Variants in NBPF12 observed in about 807,000 individuals in gnomAD.
NBPF12 encodes NBPF member 12, also known as NBPF family member NBPF12.
Under a neutral mutation model 146.4 loss-of-function variants are expected in NBPF12, and 115 were observed. The observed-to-expected ratio is 0.79, with a 90% CI of 0.68 to 0.92. NBPF12 has a LOEUF of 0.92. Ranked by LOEUF, NBPF12 falls within the 40% of genes least tolerant of loss-of-function variation. The pLI is 0.00. For synonymous variants in NBPF12, 385 were observed against 508.9 expected (o/e 0.76, Z 3.28); for missense variants, 1,205 against 1,326.8 (o/e 0.91, Z 1.43).
At chr1:146,964,289 A>G in intron 6 of NBPF12, 68 bp from the exon 10 acceptor site, 1 of 1,590,604 alleles carries the variant, frequency 6.3e-7, no homozygotes, top group Non-Finnish European at 8.6e-7. Context: ...GTCTCTGTGC[A>G]CGTTGGGCTG....
chr1:146,973,537 C>A (rs1656793629), intron 14 of NBPF12, among the ~76,000 whole-genome samples: 1 of 149,614 alleles, frequency 6.7e-6, no homozygotes, highest in East Asian at 2.0e-4. Context: ...CTCCTGTAAT[C>A]CCAGCCCTTT....
Position 146,968,607 on chromosome 1 carries a change from A to T in NBPF12, c.1091+57A>T. 8 of 1,515,352 alleles carry T rather than the reference A, an allele frequency of 5.3e-6. 1 individual carries two copies. In the South Asian group the frequency reaches 9.0e-5, roughly 17 times the overall value. 93.9% of individuals were successfully genotyped at this position (1,515,352 alleles called of 1,614,324 possible). The stretch of plus-strand genomic sequence containing the variant: ...GCAGGTGTGTAAATCTCTGAAGTAC[A>T]ACAGCTCGGTGGGGAGACTTAAGAG... On this transcript the variant is annotated intron_variant, in intron 10 of 33. Transcript: ENST00000617844.
chr1:146,966,857 T>C (rs1446906654), intron 9 of NBPF12, among the ~76,000 whole-genome samples, 184 bp downstream of exon 12: 2 of 149,670 alleles, frequency 1.3e-5, no homozygotes, highest in Non-Finnish European at 2.9e-5. Flanking sequence ...TTAGCAACTT[T>C]CCATGTTTGC....
chr1:146,994,339 A>T (rs782652561), exon 34 of NBPF12: 1 of 1,611,016 alleles, frequency 6.2e-7, no homozygotes. Flanking sequence ...CAGGCTCAAC[A>T]GCGTGCTGAT....
intron 1 of NBPF12, 26 bp from the exon 5 acceptor site, chr1:146,951,318 GTAAA>G (rs1655316372): frequency 1.5e-6 from 1 of 680,118 alleles, no homozygotes; most frequent in Non-Finnish European, 2.6e-6. Flanking sequence ...CTCTGGGGAG[GTAAA>G]TAAATTATTT....
At chr1:146,954,258 G>A (rs1438008504) in intron 2 of NBPF12, among the ~76,000 whole-genome samples, 3 of 143,276 alleles carry the variant, frequency 2.1e-5, no homozygotes, top group Non-Finnish European at 4.5e-5. Flanking sequence ...AGGCGTGGTG[G>A]CATGTGCCTG....
chr1:146,995,835 G>C (rs1658507230), exon 34 of NBPF12: 2 of 150,128 alleles, frequency 1.3e-5, no homozygotes, highest in African/African-American at 5.0e-5. Flanking sequence ...AAGTACTTGG[G>C]AAAGCGGTTT....
chr1:146,966,197 T>C (rs1252337447), intron 8 of NBPF12, among the ~76,000 whole-genome samples: 2 of 151,944 alleles, frequency 1.3e-5, no homozygotes, highest in East Asian at 1.9e-4. Context: ...ACTCATGGGA[T>C]AAAAATCTCA....
At chr1:146,976,631 G>A (rs1319510891) in intron 16 of NBPF12, among the ~76,000 whole-genome samples, 1 of 151,034 alleles carries the variant, frequency 6.6e-6, no homozygotes, top group African/African-American at 2.5e-5. Context: ...GATCTGGCAG[G>A]ATGGGGGAGA....
intron 2 of NBPF12, among the ~76,000 whole-genome samples, chr1:146,955,984 C>CTT (rs1224364752): frequency 1.5e-4 from 22 of 147,090 alleles, no homozygotes; most frequent in African/African-American, 4.7e-4. Flanking sequence ...GCACTGGCTT[C>CTT]TTTTTTTTTT....
At chr1:146,965,476 C>A (rs1182621058) in intron 8 of NBPF12, among the ~76,000 whole-genome samples, 1 of 151,012 alleles carries the variant, frequency 6.6e-6, no homozygotes, top group Non-Finnish European at 1.5e-5. Flanking sequence ...TTTTCATTGG[C>A]TTGTCTTAGC....
intron 10 of NBPF12, 149 bp from the exon 14 acceptor site, chr1:146,969,233 C>T: frequency 9.4e-7 from 1 of 1,069,034 alleles, no homozygotes; most frequent in African/African-American, 1.6e-5. Context: ...TCTCTTCTTT[C>T]TCTTGGCCAC....
At chr1:146,940,768 C>G (rs1654762826) in intron 1 of NBPF12, among the ~76,000 whole-genome samples, 1 of 151,962 alleles carries the variant, frequency 6.6e-6, no homozygotes, top group South Asian at 2.1e-4. Context: ...TACCCCACAT[C>G]CTTGCTGATG....
At chr1:146,967,097 C>G (rs1158815805) in intron 9 of NBPF12, among the ~76,000 whole-genome samples, 1 of 151,038 alleles carries the variant, frequency 6.6e-6, no homozygotes, top group Non-Finnish European at 1.5e-5. Flanking sequence ...AAGCTCTGTT[C>G]TAGTGACTCT....
chr1:146,944,650 T>A (rs1405536048), upstream of NBPF12, among the ~76,000 whole-genome samples: 61 of 151,804 alleles, frequency 4.0e-4, no homozygotes, highest in South Asian at 8.3e-4. Flanking sequence ...GAAGAAGGGG[T>A]TGTACCCCAT....
chr1:146,964,434 C>T lies in NBPF12; in HGVS notation c.566+5C>T. The T allele has an allele frequency of 6.3e-7, 1 of 1,599,814 alleles. No individual in the cohort carries two copies. The highest frequency in any genetic ancestry group is 8.6e-7 in the Non-Finnish European group (1 of 1,168,512). On this transcript the variant is annotated splice_donor_5th_base_variant and intron_variant, in intron 7 of 33. Transcript: ENST00000617844. ...ACTGGAATCATCTGCCCCCAGGTAA[C>T]ACTGAATACTCAGGAGCAAGTAATG...
intron 1 of NBPF12, among the ~76,000 whole-genome samples, chr1:146,949,802 A>C (rs1363012718): frequency 6.6e-6 from 1 of 151,722 alleles, no homozygotes; most frequent in Non-Finnish European, 1.5e-5. Context: ...GAGACACTCT[A>C]CTCTGACTCC....
Position 146,941,087 on chromosome 1 carries a change from A to AT in NBPF12, c.-822+2113dup, listed in dbSNP as rs1489055418. On this transcript the variant is annotated intron_variant, in intron 1 of 35. Coordinates refer to the NBPF12 transcript ENST00000617931. The stretch of plus-strand genomic sequence containing the variant: ...TTTTTTCATGAATGGAGATTCTCTA[A>AT]TTTTTTTTCTTTTTGAGACAAGATC... Among the ~76,000 whole-genome samples the AT allele has an allele frequency of 4.0e-5, 6 of 151,196 alleles. No individual in the cohort carries two copies. In the East Asian group the frequency reaches 5.8e-4, roughly 15 times the overall value.
chr1:146,948,623 T>G (rs1328355320), upstream of NBPF12, among the ~76,000 whole-genome samples: 2 of 152,090 alleles, frequency 1.3e-5, no homozygotes, highest in Admixed American at 6.5e-5. Context: ...TGCAGGGACC[T>G]CTGCCTAGGA....
Sources: allele counts gnomAD v4.1 joint callset (sites outside exome capture counted in the v4.1 genomes callset), GRCh38; gene constraint gnomAD v4.1.1; transcripts MANE v1.5; gene names NCBI Gene and HGNC (gene_info 2026-07-23, HGNC 2026-07-21).